SDK1: variants seen among roughly 807,000 people sequenced by gnomAD.
SDK1 encodes the protein protein sidekick-1.
A neutral mutation model predicts 245.5 loss-of-function variants in SDK1; 157 were observed. That is an observed-to-expected ratio of 0.64 (90% confidence interval 0.56 to 0.73). SDK1 has a LOEUF of 0.73. Ranked by LOEUF, SDK1 falls within the 30% of genes least tolerant of loss-of-function variation. The pLI, the probability that SDK1 is intolerant of heterozygous loss-of-function variation, is 0.00. For missense variants in SDK1, 3,583 were observed against 3,002.3 expected (o/e 1.19, Z -4.52); for synonymous variants, 1,647 against 1,278.5 (o/e 1.29, Z -6.15).
At chr7:3,391,570 A>G (rs553536226) in intron 1 of SDK1, among the ~76,000 whole-genome samples, 2 of 151,920 alleles carry the variant, frequency 1.3e-5, no homozygotes, top group Admixed American at 6.6e-5. Context: ...AAAAGTATAT[A>G]TATGTACAGT....
At chr7:3,456,235 G>A (rs2128593332) in intron 1 of SDK1, among the ~76,000 whole-genome samples, 1 of 152,236 alleles carries the variant, frequency 6.6e-6, no homozygotes, top group Non-Finnish European at 1.5e-5. Context: ...TCAGCTTCTT[G>A]AATCTGTAGA....
chr7:3,616,177 C>T (rs1431894513), intron 1 of SDK1, among the ~76,000 whole-genome samples: 2 of 152,234 alleles, frequency 1.3e-5, no homozygotes, highest in East Asian at 1.9e-4. Context: ...TAAGCCACCA[C>T]AACTGGCTGT....
intron 1 of SDK1, among the ~76,000 whole-genome samples, chr7:3,395,888 G>T (rs111647770): frequency 0.019 from 2,862 of 151,504 alleles, 95 homozygotes; most frequent in African/African-American, 0.066. Context: ...CCAAGGGTTT[G>T]CCAATTTTGT....
intron 4 of SDK1, among the ~76,000 whole-genome samples, chr7:3,717,939 G>T (rs1355883280): frequency 6.7e-6 from 1 of 150,324 alleles, no homozygotes; most frequent in East Asian, 1.9e-4. Context: ...CTGATACCTG[G>T]AACAGCCAAA....
intron 1 of SDK1, among the ~76,000 whole-genome samples, chr7:3,607,356 G>T (rs1381928092): frequency 2.0e-5 from 3 of 152,110 alleles, no homozygotes; most frequent in Admixed American, 6.6e-5. Context: ...AACCACATAT[G>T]AAGTAATTTG....
intron 20 of SDK1, among the ~76,000 whole-genome samples, chr7:4,071,364 C>G (rs1780246468): frequency 2.0e-5 from 3 of 152,206 alleles, no homozygotes; most frequent in African/African-American, 7.2e-5. Flanking sequence ...ATGAATCTGG[C>G]TCTGCCTTCC....
intron 1 of SDK1, among the ~76,000 whole-genome samples, chr7:3,357,016 C>G (rs917993634): frequency 2.1e-5 from 3 of 145,518 alleles, no homozygotes; most frequent in Non-Finnish European, 4.5e-5. Context: ...GATAGTGCCA[C>G]TGCACTCCAG....
chr7:3,572,602 CTAT>C (rs1004147735), intron 1 of SDK1, among the ~76,000 whole-genome samples: 3 of 151,952 alleles, frequency 2.0e-5, no homozygotes, highest in East Asian at 1.9e-4. Context: ...ATGGTGGCTT[CTAT>C]TATTATTATT....
intron 4 of SDK1, chr7:3,643,298 G>T (rs1288256725): frequency 7.3e-6 from 1 of 137,282 alleles, no homozygotes; most frequent in Non-Finnish European, 1.5e-5. Flanking sequence ...CCTAAACCTC[G>T]TGATTCTCAT....
intron 32 of SDK1, among the ~76,000 whole-genome samples, chr7:4,170,324 G>A (rs1012218391): frequency 6.6e-6 from 1 of 152,118 alleles, no homozygotes; most frequent in Non-Finnish European, 1.5e-5. Flanking sequence ...GTGCAGGTCT[G>A]TAGTCCCAGC....
chr7:3,723,632 C>T (rs1778892382), intron 4 of SDK1, among the ~76,000 whole-genome samples: 1 of 151,228 alleles, frequency 6.6e-6, no homozygotes, highest in African/African-American at 2.4e-5. Context: ...TGGAAGAAGA[C>T]ATTTCATTCA....
At chr7:3,600,734 G>C (rs556461981) in intron 1 of SDK1, among the ~76,000 whole-genome samples, 1 of 151,988 alleles carries the variant, frequency 6.6e-6, no homozygotes, top group East Asian at 1.9e-4. Flanking sequence ...ATTTTTAGTA[G>C]AGACAGGGTT....
intron 5 of SDK1, among the ~76,000 whole-genome samples, chr7:3,920,446 G>T (rs1779546790): frequency 6.6e-6 from 1 of 152,114 alleles, no homozygotes; most frequent in African/African-American, 2.4e-5. Flanking sequence ...CATCTACGGG[G>T]AGAAAGAGCC....
rs73039949 is a variant in SDK1, at chr7:3,688,454, G to A, written c.713+46349G>A. Among the ~76,000 whole-genome samples the A allele has an allele frequency of 1.2e-3, 179 of 152,330 alleles. 2 individuals carry two copies. The highest frequency in any genetic ancestry group is 1.8e-3 in the Non-Finnish European group (121 of 68,024). On this transcript the variant is annotated intron_variant, in intron 4 of 44. Coordinates refer to ENST00000404826, the MANE Select transcript of SDK1 (RefSeq NM_152744.4). The stretch of plus-strand genomic sequence containing the variant: ...ATAACTGTATCTATACTGAAGGAGT[G>A]TTATAAAGAATAAATGAGATAATTA...
intron 1 of SDK1, among the ~76,000 whole-genome samples, chr7:3,392,662 T>C (rs1239665924): frequency 6.6e-6 from 1 of 152,198 alleles, no homozygotes; most frequent in Non-Finnish European, 1.5e-5. Flanking sequence ...TTTTTGTCTT[T>C]ATGAATTTGT....
chr7:3,764,084 G>T (rs1056983743), intron 4 of SDK1, among the ~76,000 whole-genome samples: 19 of 152,270 alleles, frequency 1.2e-4, no homozygotes, highest in African/African-American at 4.6e-4. Context: ...GACCCTGGGG[G>T]TCAAAGCTAT....
At chr7:3,852,502 C>T (rs1332358486) in intron 5 of SDK1, among the ~76,000 whole-genome samples, 1 of 151,554 alleles carries the variant, frequency 6.6e-6, no homozygotes, top group African/African-American at 2.4e-5. Context: ...AATCCCAGCA[C>T]TTTGGGAGGC....
In SDK1 at chr7:4,021,877, T is replaced by C. The variant is rs138371646; in HGVS notation, c.2602+4525T>C. Among the ~76,000 whole-genome samples the C allele has an allele frequency of 4.8e-3, 736 of 152,298 alleles. 6 individuals are homozygous for C. Among genetic ancestry groups the C allele is most frequent in the African/African-American group, 0.017 (708 of 41,560 alleles). On this transcript the variant is annotated intron_variant, in intron 17 of 44. Transcript: ENST00000404826. Reference sequence around the variant, plus strand: ...TTCTAAGTGAGATGAAATCTGACAATGGGCTCCTGGCTTGCCTCACACAGA... The same window carrying C: ...TTCTAAGTGAGATGAAATCTGACAACGGGCTCCTGGCTTGCCTCACACAGA...
chr7:3,751,922 A>T (rs1779784791), intron 4 of SDK1, among the ~76,000 whole-genome samples: 1 of 152,174 alleles, frequency 6.6e-6, no homozygotes, highest in African/African-American at 2.4e-5. Context: ...ATATTTTGAA[A>T]CATTACAAAC....
Sources: allele counts gnomAD v4.1 joint callset (sites outside exome capture counted in the v4.1 genomes callset), GRCh38; gene constraint gnomAD v4.1.1; transcripts MANE v1.5; gene names NCBI Gene and HGNC (gene_info 2026-07-23, HGNC 2026-07-21).